Variants in CSMD1 observed in about 807,000 individuals in gnomAD.
CSMD1 encodes CUB and Sushi multiple domains 1.
In CSMD1, 213 loss-of-function variants were observed where a neutral mutation model predicts 417.5. The observed-to-expected ratio is 0.51, with a 90% CI of 0.46 to 0.57. The LOEUF is 0.57. Among genes scored for constraint, CSMD1 ranks in the 20% least tolerant of loss-of-function variants. CSMD1 has a pLI of 0.00. For missense variants in CSMD1, 6,923 were observed against 4,529.7 expected (o/e 1.53, Z -15.17); for synonymous variants, 2,862 against 1,736.8 (o/e 1.65, Z -16.11).
At chr8:3,661,686 G>A (rs867212819) in intron 7 of CSMD1, among the ~76,000 whole-genome samples, 4 of 151,980 alleles carry the variant, frequency 2.6e-5, no homozygotes, top group East Asian at 1.9e-4. Flanking sequence ...TAGTAGAGAC[G>A]GGATTTCACC....
At chr8:4,552,665 C>T (rs1460902894) in intron 2 of CSMD1, among the ~76,000 whole-genome samples, 2 of 152,104 alleles carry the variant, frequency 1.3e-5, no homozygotes, top group Admixed American at 1.3e-4. Context: ...CCAAGCCTAG[C>T]AATCGATCTT....
chr8:4,411,917 C>T (rs747320464), intron 3 of CSMD1, among the ~76,000 whole-genome samples: 1 of 151,456 alleles, frequency 6.6e-6, no homozygotes, highest in Non-Finnish European at 1.5e-5. Flanking sequence ...ACACATAGGA[C>T]TAAAAGGAAT....
In CSMD1 at chr8:4,036,899, T is replaced by C. The variant is rs184493376; in HGVS notation, c.416-4800A>G. On this transcript the variant is annotated intron_variant, in intron 3 of 69. Transcript: ENST00000635120. ...TTCCTCCATATCCCAAAGATGACCA[T>C]GTTTGCATGTTAGGCTCATTGGCAT... Among the ~76,000 whole-genome samples, 272 of 152,226 alleles carry C rather than the reference T, an allele frequency of 1.8e-3. 1 individual carries two copies. Among genetic ancestry groups the C allele is most frequent in the African/African-American group, 6.2e-3 (258 of 41,542 alleles).
intron 37 of CSMD1, among the ~76,000 whole-genome samples, chr8:3,169,987 C>T (rs970191344): frequency 5.9e-5 from 9 of 152,142 alleles, no homozygotes; most frequent in African/African-American, 1.9e-4. Context: ...AATGTTTAGC[C>T]AACTGAGTCT....
At chr8:4,951,449 G>A (rs1585394627) in intron 1 of CSMD1, among the ~76,000 whole-genome samples, 1 of 150,972 alleles carries the variant, frequency 6.6e-6, no homozygotes, top group East Asian at 1.9e-4. Flanking sequence ...AAGAGGGAAG[G>A]AAGGAAGGAA....
At chr8:3,240,823 CT>C (rs1426320157) in intron 26 of CSMD1, among the ~76,000 whole-genome samples, 2 of 152,068 alleles carry the variant, frequency 1.3e-5, no homozygotes, top group Admixed American at 6.5e-5. Context: ...CTGAACTAAC[CT>C]GTAAGGCTTG....
chr8:3,565,058 T>G (rs1426383557), intron 10 of CSMD1, among the ~76,000 whole-genome samples: 4 of 138,694 alleles, frequency 2.9e-5, no homozygotes, highest in Admixed American at 8.1e-5. Flanking sequence ...CTGCACATCC[T>G]GCACATGGAC....
chr8:3,494,596 A>C (rs1274692470), intron 10 of CSMD1, among the ~76,000 whole-genome samples: 2 of 150,192 alleles, frequency 1.3e-5, no homozygotes, highest in South Asian at 2.1e-4. Context: ...AGATAGATAG[A>C]TAGATAGATA....
At position 4,830,400 on chromosome 8, in the gene CSMD1, T is replaced by C. The variant is rs192600785; in HGVS notation, c.85+163932A>G. Among the ~76,000 whole-genome samples, 230 of 152,344 alleles carry C rather than the reference T, an allele frequency of 1.5e-3. 2 individuals carry two copies. Among genetic ancestry groups the C allele is most frequent in the Non-Finnish European group, 1.9e-3 (127 of 68,038 alleles). ...AAAATAACACTTATCTGTAAAATAA[T>C]TGACAATAACTGAACTTGTATGTTT... On this transcript the variant is annotated intron_variant, in intron 1 of 69. Transcript: ENST00000635120.
intron 18 of CSMD1, among the ~76,000 whole-genome samples, chr8:3,375,991 C>CT (rs1810279810): frequency 6.6e-6 from 1 of 152,114 alleles, no homozygotes; most frequent in Admixed American, 6.5e-5. Flanking sequence ...CAAATTGGAA[C>CT]TTTTTTTCTC....
At chr8:4,040,905 T>A (rs1390867372) in intron 3 of CSMD1, among the ~76,000 whole-genome samples, 1 of 152,162 alleles carries the variant, frequency 6.6e-6, no homozygotes, top group Non-Finnish European at 1.5e-5. Context: ...TTGAGAAGCA[T>A]CATGAATATT....
intron 10 of CSMD1, among the ~76,000 whole-genome samples, chr8:3,506,059 C>A (rs1170980677): frequency 6.6e-6 from 1 of 152,182 alleles, no homozygotes; most frequent in African/African-American, 2.4e-5. Flanking sequence ...CAACCAAGTT[C>A]CTCCTGGGGT....
chr8:4,442,626 G>A (rs568901698), intron 2 of CSMD1, among the ~76,000 whole-genome samples: 2 of 152,242 alleles, frequency 1.3e-5, no homozygotes, highest in African/African-American at 2.4e-5. Flanking sequence ...CAAGCCCTCT[G>A]GATTGCTGGG....
chr8:4,366,087 C>G (rs1010843180), intron 3 of CSMD1, among the ~76,000 whole-genome samples: 1 of 152,058 alleles, frequency 6.6e-6, no homozygotes, highest in Admixed American at 6.5e-5. Context: ...TCCTACCCTC[C>G]CCACTCAGGT....
At chr8:3,421,333 C>T (rs1056533680) in intron 12 of CSMD1, among the ~76,000 whole-genome samples, 4 of 152,166 alleles carry the variant, frequency 2.6e-5, no homozygotes, top group South Asian at 4.1e-4. Flanking sequence ...CTGCTCTGAG[C>T]CCACATTCCT....
intron 1 of CSMD1, among the ~76,000 whole-genome samples, chr8:4,801,982 A>G (rs1798311854): frequency 6.6e-6 from 1 of 152,182 alleles, no homozygotes; most frequent in African/African-American, 2.4e-5. Context: ...TGCATCCATC[A>G]TTGAAGCAAG....
At chr8:4,503,029 G>A (rs576638481) in intron 2 of CSMD1, among the ~76,000 whole-genome samples, 295 of 150,254 alleles carry the variant, frequency 2.0e-3, no homozygotes, top group Non-Finnish European at 2.8e-3. Context: ...TAATTGAAAC[G>A]TTTATGAAAA....
At chr8:3,488,370 A>G (rs1031868357) in intron 11 of CSMD1, among the ~76,000 whole-genome samples, 5 of 152,104 alleles carry the variant, frequency 3.3e-5, no homozygotes, top group Non-Finnish European at 4.4e-5. Context: ...GGCTTCCCAA[A>G]GTTCCGGGAT....
chr8:3,603,383 GC>G (rs2117091633), intron 8 of CSMD1, among the ~76,000 whole-genome samples: 1 of 152,202 alleles, frequency 6.6e-6, no homozygotes, highest in Non-Finnish European at 1.5e-5. Context: ...GGCGCGGCAG[GC>G]TCAAATACAG....
Sources: gnomAD v4.1 joint callset for allele counts (sites outside exome capture counted in the v4.1 genomes callset) on GRCh38, gnomAD v4.1.1 for gene constraint, MANE v1.5 for transcripts, NCBI Gene and HGNC (gene_info 2026-07-23, HGNC 2026-07-21) for gene names.